Variants in NACC2 observed in about 807,000 individuals in gnomAD.
The protein encoded by NACC2 is nucleus accumbens-associated protein 2.
NACC2 carries 8 observed loss-of-function variants against 25.1 expected under a neutral mutation model. The observed-to-expected ratio is 0.32, with a 90% confidence interval of 0.19 to 0.57. NACC2 has a LOEUF of 0.57. Ranked by LOEUF, NACC2 falls within the 20% of genes least tolerant of loss-of-function variation. NACC2 has a pLI of 0.89. For synonymous variants in NACC2, 435 were observed against 294.7 expected (o/e 1.48, Z -4.88); for missense variants, 644 against 650.2 (o/e 0.99, Z 0.10).
chr9:136,080,292 A>T (rs1161260832), intron 1 of NACC2, among the ~76,000 whole-genome samples: 1 of 152,176 alleles, frequency 6.6e-6, no homozygotes, highest in Non-Finnish European at 1.5e-5. Context: ...CTCTGAGCCC[A>T]GGCCCCTTCG....
rs981351655 is a variant in NACC2 at position 136,041,902 on chromosome 9, C to T, written c.886+7734G>A. Among the ~76,000 whole-genome samples the T allele has an allele frequency of 8.7e-3, 1,325 of 152,316 alleles. 19 individuals carry two copies. Among genetic ancestry groups the T allele is most frequent in the African/African-American group, 0.03 (1,244 of 41,566 alleles). On this transcript the variant is annotated intron_variant, in intron 2 of 5. Coordinates refer to ENST00000277554, the MANE Select transcript of NACC2 (RefSeq NM_144653.5). ...TGTTAAGAGGTCAGTTCTTCTCAAA[C>T]TGATTTACAGAATCAGTGCAACATC...
intron 1 of NACC2, among the ~76,000 whole-genome samples, chr9:136,082,920 T>C (rs965594664): frequency 1.3e-5 from 2 of 152,204 alleles, no homozygotes; most frequent in African/African-American, 4.8e-5. Flanking sequence ...TCTCTACGCC[T>C]AGGATTTTGT....
chr9:136,024,532 T>TGTGTGA (rs1554736630), intron 2 of NACC2, among the ~76,000 whole-genome samples: 1 of 117,642 alleles, frequency 8.5e-6, no homozygotes, highest in Non-Finnish European at 1.8e-5. Flanking sequence ...TGTGTGTGTG[T>TGTGTGA]GGACAGTGTG....
rs937993871 is a variant in NACC2 at position 136,035,362 on chromosome 9, G to A, written c.886+14274C>T. On this transcript the variant is annotated intron_variant, in intron 2 of 5. Coordinates refer to ENST00000277554, the MANE Select transcript of NACC2 (RefSeq NM_144653.5). ...TGAGAAGGTTCCGCTGCTGTGAATT[G>A]CAGCTGAAATGCACAACCTGACCCC... Among the ~76,000 whole-genome samples the A allele has an allele frequency of 7.0e-4, 106 of 152,008 alleles. No individual in the cohort carries two copies. In the Middle Eastern group the frequency reaches 0.01, roughly 15 times the overall value.
intron 2 of NACC2, among the ~76,000 whole-genome samples, chr9:136,048,116 A>T (rs908166420): frequency 1.2e-4 from 19 of 152,272 alleles, no homozygotes; most frequent in African/African-American, 4.6e-4. Flanking sequence ...GCTGCCATCA[A>T]TGGGGGATGT....
At chr9:136,053,685 C>G (rs1271944614) in intron 1 of NACC2, among the ~76,000 whole-genome samples, 1 of 152,222 alleles carries the variant, frequency 6.6e-6, no homozygotes, top group Non-Finnish European at 1.5e-5. Context: ...CTTCACAGAC[C>G]CACTGCGCCC....
At chr9:136,048,058 CGTCGGCAGGGCCCTGTCTGGCTGCCATT>C (rs1175045772) in intron 2 of NACC2, among the ~76,000 whole-genome samples, 4 of 152,214 alleles carry the variant, frequency 2.6e-5, no homozygotes, top group African/African-American at 7.2e-5. Flanking sequence ...GTCGGCAACC[CGTCGGCAGGGCCCTGTCTGGCTGCCATT>C]GTCGGCAGGG....
At chr9:136,014,854 C>T (rs549606150) in intron 3 of NACC2, among the ~76,000 whole-genome samples, 2 of 152,308 alleles carry the variant, frequency 1.3e-5, no homozygotes, top group South Asian at 2.1e-4. Context: ...CTTGACCACA[C>T]CCCAGGTGTC....
rs918370111 is a variant in NACC2, at chr9:136,084,702, A to C, written c.-60+10487T>G. Among the ~76,000 whole-genome samples, 3 of 152,240 alleles carry C rather than the reference A, an allele frequency of 2.0e-5. No individual in the cohort carries two copies. Among genetic ancestry groups the C allele is most frequent in the Non-Finnish European group, 4.4e-5 (3 of 68,050 alleles). ...TGGCCCCAGGGTCCGCCAATGGGTG[A>C]CAGTCAAAGGAAATGGCGGCGGGCG... On this transcript the variant is annotated intron_variant, in intron 1 of 5. Transcript: ENST00000277554. The surrounding 1 kb of genome is among the most constrained non-coding windows in gnomAD (Gnocchi z 5.1).
At chr9:136,069,771 C>T (rs1243246585) in intron 1 of NACC2, among the ~76,000 whole-genome samples, 1 of 151,792 alleles carries the variant, frequency 6.6e-6, no homozygotes, top group Non-Finnish European at 1.5e-5. Flanking sequence ...TCCACTAAGA[C>T]ACAGCAATCC....
chr9:136,077,349 A>T (rs1830274081), intron 1 of NACC2, among the ~76,000 whole-genome samples: 1 of 152,238 alleles, frequency 6.6e-6, no homozygotes, highest in Non-Finnish European at 1.5e-5. Flanking sequence ...AACAAAACAA[A>T]AAAAGCAGAA....
chr9:136,053,281 A>T (rs1840875262), intron 1 of NACC2, among the ~76,000 whole-genome samples: 1 of 152,212 alleles, frequency 6.6e-6, no homozygotes, highest in African/African-American at 2.4e-5. Flanking sequence ...CCAGACAAAA[A>T]GCCACTGAAT....
Position 136,049,937 on chromosome 9 carries a change from C to T in NACC2, c.585G>A (p.Thr195=), listed in dbSNP as rs1178343903. 5.0e-3 allele frequency: 2,871 copies of T among 578,866 alleles called. 133 individuals carry two copies. The South Asian group carries it at 0.056, about 11-fold the overall frequency. The allele number at this position is 578,866 out of a possible 1,614,324, so 35.9% of individuals were successfully genotyped here. Residue 195 remains threonine, a synonymous_variant, in exon 2 of 6, where the codon ACG becomes ACA. Coordinates refer to ENST00000277554, the MANE Select transcript of NACC2 (RefSeq NM_144653.5). ...CCACCGCCACGCCGTCCCGGGGCCC[C>T]GTCTCCAGCGGGCGCTTGGGGGCCA... is the stretch of plus-strand genomic sequence containing the variant. ...PGLAPKRPLE[T]GPRDGVAVAA... is the part of the protein sequence containing the mutation.
intron 1 of NACC2, among the ~76,000 whole-genome samples, chr9:136,068,522 A>G (rs1191381559): frequency 6.6e-6 from 1 of 150,508 alleles, no homozygotes; most frequent in Non-Finnish European, 1.5e-5. Context: ...AAAAAAAGTA[A>G]TTGTGCAATG....
intron 2 of NACC2, among the ~76,000 whole-genome samples, chr9:136,043,323 T>C (rs1840673178): frequency 2.0e-5 from 3 of 152,358 alleles, no homozygotes; most frequent in Non-Finnish European, 4.4e-5. Flanking sequence ...ATAAAAGTTA[T>C]AAAGTACGGC....
In NACC2 at chr9:136,018,969, C is replaced by T. The variant is rs150997105; in HGVS notation, c.887-2540G>A. On this transcript the variant is annotated intron_variant, in intron 2 of 5. Coordinates refer to ENST00000277554, the MANE Select transcript of NACC2 (RefSeq NM_144653.5). This position sits in a 1 kb window ranked among gnomAD's most constrained non-coding sequence, Gnocchi z 4.4. ...AGAAGTTGTTTGTGCTTGGAACACCCGCCCCTCCCCAGCCCCTGCCCAGCT... is the reference window on the plus strand; with the variant it reads ...AGAAGTTGTTTGTGCTTGGAACACCTGCCCCTCCCCAGCCCCTGCCCAGCT... Among the ~76,000 whole-genome samples, 2 of 151,934 alleles carry T rather than the reference C, an allele frequency of 1.3e-5. No homozygotes were observed. Among genetic ancestry groups the T allele is most frequent in the Non-Finnish European group, 2.9e-5 (2 of 67,958 alleles).
At position 136,086,506 on chromosome 9, in the gene NACC2, C is replaced by T. The variant is rs1322387642; in HGVS notation, c.-60+8683G>A. On this transcript the variant is annotated intron_variant, in intron 1 of 5. Coordinates refer to ENST00000277554, the MANE Select transcript of NACC2 (RefSeq NM_144653.5). This position sits in a 1 kb window ranked among gnomAD's most constrained non-coding sequence, Gnocchi z 5.6. ...TGGGCCCCAGGGACGTCGCATGCCC[C>T]CAGCTTCCCGACAGCCATCTGCCTG... Among the ~76,000 whole-genome samples the T allele has an allele frequency of 6.6e-6, 1 of 152,114 alleles. No homozygotes were observed. Among genetic ancestry groups the T allele is most frequent in the African/African-American group, 2.4e-5 (1 of 41,404 alleles).
At chr9:136,035,622 CTG>C (rs1840539261) in intron 2 of NACC2, among the ~76,000 whole-genome samples, 2 of 151,970 alleles carry the variant, frequency 1.3e-5, no homozygotes, top group South Asian at 4.2e-4. Flanking sequence ...AAGGTACAGT[CTG>C]TAGTTACATG....
At position 136,011,843 on chromosome 9, in the gene NACC2, G is replaced by A. The variant is rs373675906; in HGVS notation, c.1437C>T (p.Leu479=). The change falls in exon 6 of 6, where the codon CTC becomes CTT. Residue 479 remains leucine, a synonymous_variant. Transcript: ENST00000277554. ...CCGCGGCAGGCGGGAACTCGGGGTCGAGGGGCACGCTGGCGGCGGCGGAGC... is the reference window on the plus strand; with the variant it reads ...CCGCGGCAGGCGGGAACTCGGGGTCAAGGGGCACGCTGGCGGCGGCGGAGC... ...VMGSAAASVP[L]DPEFPPAAAQ... The A allele has an allele frequency of 7.5e-5, 117 of 1,565,258 alleles. No homozygotes were observed. Among genetic ancestry groups the A allele is most frequent in the Admixed American group, 9.2e-5 (5 of 54,078 alleles).
Sources: gnomAD v4.1 joint callset for allele counts (sites outside exome capture counted in the v4.1 genomes callset) on GRCh38, gnomAD v4.1.1 for gene constraint, Gnocchi (gnomAD v3.1) non-coding constraint, MANE v1.5 for transcripts, NCBI Gene and HGNC (gene_info 2026-07-23, HGNC 2026-07-21) for gene names.